The following PDE8B variants were observed in gnomAD, a reference collection of about 807,000 sequenced individuals.
The protein encoded by PDE8B is high affinity cAMP-specific and IBMX-insensitive 3',5'-cyclic phosphodiesterase 8B.
In PDE8B, 26 loss-of-function variants were observed where a neutral mutation model predicts 101.3. The observed-to-expected ratio is 0.26, with a 90% CI of 0.19 to 0.36. PDE8B has a LOEUF of 0.36. PDE8B is among the 10% of genes least tolerant of loss of function. The probability of loss-of-function intolerance (pLI) is 1.00; values close to 1 mark genes in which losing one functional copy is unlikely to be tolerated. For missense variants in PDE8B, 810 were observed against 1,163.1 expected, an observed-to-expected ratio of 0.70 and a Z score of 4.42; for synonymous variants, 424 against 429.3, an observed-to-expected ratio of 0.99 and a Z score of 0.15.
At chr5:77,378,046 A>ACACACACACCCC in intron 10 of PDE8B, among the ~76,000 whole-genome samples, 1 of 99,566 alleles carries the variant, frequency 1.0e-5, no homozygotes, top group East Asian at 2.4e-4. Context: ...ACACACACAC[A>ACACACACACCCC]CACCCCCTGT....
intron 18 of PDE8B, among the ~76,000 whole-genome samples, chr5:77,418,870 C>G (rs1796084472): frequency 6.6e-6 from 1 of 152,158 alleles, no homozygotes; most frequent in African/African-American, 2.4e-5. Context: ...CAGGTTACCC[C>G]AGCCCCGCAT....
intron 1 of PDE8B, among the ~76,000 whole-genome samples, chr5:77,297,994 C>G (rs1768987316): frequency 6.6e-6 from 1 of 152,172 alleles, no homozygotes; most frequent in African/African-American, 2.4e-5. Context: ...AGACTGTGGG[C>G]TTTTTGAAGG....
the PDE8B span, among the ~76,000 whole-genome samples, chr5:77,101,210 A>G: frequency 1.3e-5 from 2 of 150,632 alleles, no homozygotes; most frequent in African/African-American, 4.9e-5. Flanking sequence ...GGCTCAAGCT[A>G]TCCTCCTGCC....
At chr5:77,378,308 A>AAT (rs1186941366) in intron 10 of PDE8B, among the ~76,000 whole-genome samples, 1 of 151,686 alleles carries the variant, frequency 6.6e-6, no homozygotes, top group Non-Finnish European at 1.5e-5. Context: ...AAAATACAAA[A>AAT]ATCAGCTGGG....
chr5:77,210,524 GCC>G, upstream of PDE8B: 13 of 682,064 alleles, frequency 1.9e-5, no homozygotes, highest in Non-Finnish European at 2.0e-5. The surrounding 1 kb of genome is among the most constrained non-coding windows in gnomAD (Gnocchi z 4.9). Flanking sequence ...GCGGGCGGGC[GCC>G]CTGGCCCAGG....
At chr5:77,163,347 A>G in the PDE8B span, among the ~76,000 whole-genome samples, 1,119 of 152,298 alleles carry the variant, frequency 7.3e-3, 15 homozygotes, top group African/African-American at 0.026. Flanking sequence ...GGGTTCTTAC[A>G]TGTGGTGTTC....
At chr5:77,366,920 G>T (rs1055021293) in intron 10 of PDE8B, among the ~76,000 whole-genome samples, 2 of 152,102 alleles carry the variant, frequency 1.3e-5, no homozygotes, top group Non-Finnish European at 2.9e-5. Context: ...GTCCCCTGGG[G>T]CATCTGTGCA....
At chr5:77,229,301 C>T (rs1334248373) in intron 1 of PDE8B, among the ~76,000 whole-genome samples, 4 of 152,148 alleles carry the variant, frequency 2.6e-5, no homozygotes, top group Non-Finnish European at 5.9e-5. Flanking sequence ...TTTTAGTAAA[C>T]CTAGACCAAA....
At chr5:77,212,288 C>T (rs182766238) in intron 1 of PDE8B, among the ~76,000 whole-genome samples, 5 of 152,182 alleles carry the variant, frequency 3.3e-5, no homozygotes, top group African/African-American at 1.2e-4. Flanking sequence ...AATAGGTTAC[C>T]AAGAACCATT....
chr5:77,138,081 T>A, the PDE8B span, among the ~76,000 whole-genome samples: 1 of 152,360 alleles, frequency 6.6e-6, no homozygotes, highest in East Asian at 1.9e-4. Context: ...GGACTTCCCA[T>A]GATAATAGTG....
At chr5:77,178,907 C>T in the PDE8B span, among the ~76,000 whole-genome samples, 1 of 152,232 alleles carries the variant, frequency 6.6e-6, no homozygotes, top group Non-Finnish European at 1.5e-5. Context: ...CCCAGTATGG[C>T]TGCATGTTTT....
At chr5:77,279,013 A>G (rs1338430626) in intron 1 of PDE8B, among the ~76,000 whole-genome samples, 1 of 152,224 alleles carries the variant, frequency 6.6e-6, no homozygotes, top group Non-Finnish European at 1.5e-5. Flanking sequence ...AAGTGAATAT[A>G]CACCACCTTA....
chr5:77,425,301 C>T (rs1797804677), intron 20 of PDE8B, among the ~76,000 whole-genome samples: 1 of 152,176 alleles, frequency 6.6e-6, no homozygotes, highest in South Asian at 2.1e-4. Context: ...TGGCTCGTGC[C>T]TATAATCCCA....
At chr5:77,154,259 T>C in the PDE8B span, among the ~76,000 whole-genome samples, 1 of 152,260 alleles carries the variant, frequency 6.6e-6, no homozygotes, top group African/African-American at 2.4e-5. Flanking sequence ...TATGGGATTA[T>C]CACTATCTGA....
intron 18 of PDE8B, among the ~76,000 whole-genome samples, chr5:77,418,785 C>T (rs1236348966): frequency 6.6e-6 from 1 of 152,092 alleles, no homozygotes; most frequent in Non-Finnish European, 1.5e-5. Context: ...CCCATTTTTC[C>T]CTAGCTCAAT....
intron 3 of PDE8B, among the ~76,000 whole-genome samples, chr5:77,328,102 G>C (rs1367347639): frequency 6.6e-6 from 1 of 152,184 alleles, no homozygotes; most frequent in Non-Finnish European, 1.5e-5. Flanking sequence ...TGTTCTTGGA[G>C]ATCATGGTTC....
chr5:77,413,211 G>A lies in PDE8B; in HGVS notation c.1813G>A (p.Glu605Lys). Reference sequence around the variant, plus strand: ...TCTTCGGGCCTGGTTCCAAGTGATCGAAGCCAACTACCACTCTTCCAATGC... The same window carrying A: ...TCTTCGGGCCTGGTTCCAAGTGATCAAAGCCAACTACCACTCTTCCAATGC... The part of the protein sequence containing the change: ...TTLRAWFQVI[E>K]ANYHSSNAYH... Residue 605 changes from glutamate (E) to lysine (K), a missense_variant, in exon 17 of 22, where the codon GAA becomes AAA. Glu to Lys is a moderately conservative substitution (Grantham distance 56). Around this residue, in one of 4 missense-constraint regions of PDE8B, gnomAD observed 325 missense variants for 560.9 expected, o/e 0.58. Coordinates refer to ENST00000264917, the MANE Select transcript of PDE8B (RefSeq NM_003719.5). The A allele has an allele frequency of 1.9e-6, 3 of 1,613,920 alleles. No individual in the cohort carries two copies. The highest frequency in any genetic ancestry group is 1.7e-6 in the Non-Finnish European group (2 of 1,179,940).
At chr5:77,337,426 C>T (rs1778401013) in intron 6 of PDE8B, 111 bp downstream of exon 6, 1 of 721,088 alleles carries the variant, frequency 1.4e-6, no homozygotes. Flanking sequence ...GATTTTGAAG[C>T]TTTTAAACAG....
chr5:77,180,468 C>T, the PDE8B span: 2 of 985,376 alleles, frequency 2.0e-6, no homozygotes, highest in Admixed American at 6.1e-5. Context: ...AGCTGTACTG[C>T]CCACCGAGCG....
Sources: allele counts gnomAD v4.1 joint callset (sites outside exome capture counted in the v4.1 genomes callset), GRCh38; gene constraint gnomAD v4.1.1; regional missense constraint gnomAD v4.1.1; non-coding constraint Gnocchi (gnomAD v3.1); transcripts MANE v1.5; gene names NCBI Gene and HGNC (gene_info 2026-07-23, HGNC 2026-07-21).